CPZ: variants seen among roughly 807,000 people sequenced by gnomAD.
CPZ encodes the protein carboxypeptidase Z.
Under a neutral mutation model 61.8 loss-of-function variants are expected in CPZ, and 103 were observed. The ratio of observed to expected loss-of-function variants is 1.67; its 90% confidence interval spans 1.42 to 1.96. The LOEUF (loss-of-function observed/expected upper bound fraction) is 1.96. Ranked by LOEUF, CPZ falls within the 30% of genes most tolerant of loss-of-function variation. CPZ has a pLI of 0.00. For synonymous variants in CPZ, 551 were observed against 373.7 expected, an observed-to-expected ratio of 1.47 and a Z score of -5.47; for missense variants, 1,461 against 914.9, an observed-to-expected ratio of 1.60 and a Z score of -7.70.
Position 8,592,814 on chromosome 4 carries a change from C to G in CPZ, c.-20C>G. On this transcript the variant is annotated 5_prime_UTR_variant, in exon 1 of 11. Transcript: ENST00000360986. ...AGTGCCACATCACTGCGCTGGCCGT[C>G]CAAGGTCCGCCGCCCCACCATGCCG... 6.9e-7 allele frequency: 1 copy of G among 1,439,306 alleles called. No homozygotes were observed. Among genetic ancestry groups the G allele is most frequent in the Non-Finnish European group, 9.1e-7 (1 of 1,101,262 alleles). The allele number at this position is 1,439,306 out of a possible 1,614,324, so 89.2% of individuals were successfully genotyped here. A position where few individuals can be genotyped will look rare whatever the true frequency, so the allele number is the denominator to read the frequency against.
rs377140806 is a variant in CPZ, at chr4:8,601,241, C to T, written c.240C>T (p.Ile80=). The T allele has an allele frequency of 2.5e-5, 41 of 1,613,468 alleles. No homozygotes were observed. The highest frequency in any genetic ancestry group is 3.3e-5 in the Non-Finnish European group (39 of 1,179,952). ...WEVVEASSEY[I]LLSVLHQLLE... ...TGGTGGAGGCCAGCTCCGAGTACAT[C>T]CTGCTGAGCGTTCTACACCAGCTCC... Residue 80 remains isoleucine (I), a synonymous_variant, in exon 3 of 11, where the codon ATC becomes ATT. Transcript: ENST00000360986.
intron 1 of CPZ, among the ~76,000 whole-genome samples, chr4:8,596,993 G>A (rs1231611488): frequency 3.3e-5 from 5 of 152,218 alleles, no homozygotes; most frequent in South Asian, 2.1e-4. Context: ...GCCAGGCCAC[G>A]CTCAGTGCCA....
rs766395839 is a variant in CPZ, at chr4:8,601,276, A to G, written c.275A>G (p.Gln92Arg). ...GTTCTACACCAGCTCCTGGAAGGCC[A>G]GTGCAACCCGGACCTGCGGCTGCTG... ...LSVLHQLLEG[Q>R]CNPDLRLLGC... is the part of the protein sequence containing the mutation. The change falls in exon 3 of 11, where the codon CAG becomes CGG. Residue 92 changes from glutamine to arginine, a missense_variant. By Grantham distance (43) the Gln-to-Arg change is conservative (BLOSUM62 1). Transcript: ENST00000360986. 3 of 1,613,564 alleles carry G rather than the reference A, an allele frequency of 1.9e-6. No individual in the cohort carries two copies. Among genetic ancestry groups the G allele is most frequent in the East Asian group, 4.5e-5 (2 of 44,864 alleles).
In CPZ at chr4:8,614,511, G is replaced by A. The variant is rs199812768; in HGVS notation, c.1503+13G>A. On this transcript the variant is annotated intron_variant, in intron 9 of 10. Coordinates refer to ENST00000360986, the MANE Select transcript of CPZ (RefSeq NM_001014447.3). The stretch of plus-strand genomic sequence containing the variant: ...TTTCGTGGAGACGGTGAGTTCTGAC[G>A]GTCTCAGGGCTCTGGTCCAGCTGTG... The A allele has an allele frequency of 7.8e-5, 125 of 1,611,712 alleles. 1 individual carries two copies. In the African/African-American group the frequency reaches 1.4e-3, roughly 18 times the overall value.
At position 8,619,328 on chromosome 4, in the gene CPZ, G is replaced by A. The variant is rs148286815; in HGVS notation, c.1670G>A (p.Gly557Asp). Residue 557 changes from glycine to aspartate, a missense_variant, in exon 11 of 11, where the codon GGC becomes GAC. By Grantham distance (94) the Gly-to-Asp change is moderately conservative. Coordinates refer to ENST00000360986, the MANE Select transcript of CPZ (RefSeq NM_001014447.3). ...GIHIVIAQAP[G>D]YAKVIKKVII... The stretch of plus-strand genomic sequence containing the variant: ...CACATTGTCATTGCCCAAGCCCCTG[G>A]CTACGCCAAAGTCATCAAGAAAGTC... 8.2e-5 allele frequency: 133 copies of A among 1,614,106 alleles called. No homozygotes were observed. The African/African-American group carries it at 1.5e-3, about 18-fold the overall frequency.
At chr4:8,614,527 T>G (rs1008814816) in intron 9 of CPZ, 29 bp downstream of exon 9, 1 of 1,607,730 alleles carries the variant, frequency 6.2e-7, no homozygotes, top group Non-Finnish European at 8.5e-7. Flanking sequence ...AGGGCTCTGG[T>G]CCAGCTGTGG....
At chr4:8,614,277 T>C in intron 8 of CPZ, 82 bp from the exon 9 acceptor site, 1 of 1,479,760 alleles carries the variant, frequency 6.8e-7, no homozygotes, top group Non-Finnish European at 9.1e-7. Context: ...CCCGGCTGTC[T>C]CTGTGCGGCT....
rs747527488 is a variant in CPZ, at chr4:8,601,238, C to A, written c.237C>A (p.Tyr79Ter). ...SWEVVEASSE[Y>*]ILLSVLHQLL... The stretch of plus-strand genomic sequence containing the variant: ...AGGTGGTGGAGGCCAGCTCCGAGTA[C>A]ATCCTGCTGAGCGTTCTACACCAGC... Residue 79 changes from tyrosine to a stop codon, truncating the protein, a stop_gained, in exon 3 of 11, where the codon TAC becomes TAA. Coordinates refer to ENST00000360986, the MANE Select transcript of CPZ (RefSeq NM_001014447.3). LOFTEE classifies it high-confidence loss of function. 2.0e-5 allele frequency: 32 copies of A among 1,613,586 alleles called. No individual in the cohort carries two copies. Among genetic ancestry groups the A allele is most frequent in the South Asian group, 1.8e-4 (16 of 91,076 alleles).
At position 8,606,842 on chromosome 4, in the gene CPZ, A is replaced by T. The variant is rs1445263828; in HGVS notation, c.1012A>T (p.Thr338Ser). The T allele has an allele frequency of 1.9e-5, 31 of 1,613,376 alleles. No homozygotes were observed. Among genetic ancestry groups the T allele is most frequent in the Non-Finnish European group, 2.6e-5 (31 of 1,179,918 alleles). Residue 338 changes from threonine to serine, a missense_variant, in exon 6 of 11, where the codon ACC (threonine) becomes TCC (serine). Physicochemically the swap from Thr to Ser is moderately conservative, Grantham distance 58. Transcript: ENST00000360986. ...LTSEYYRLAE[T>S]RGARSDHIPI... is the part of the protein sequence containing the mutation. ...GTCCGAGTACTACCGGCTGGCGGAG[A>T]CCCGCGGCGCACGCAGCGACCACAT...
intron 8 of CPZ, among the ~76,000 whole-genome samples, chr4:8,613,262 G>A (rs941234299): frequency 3.3e-5 from 5 of 151,988 alleles, no homozygotes; most frequent in Non-Finnish European, 7.4e-5. Context: ...CTCCCGAGTA[G>A]CTGGGATTAC....
intron 8 of CPZ, among the ~76,000 whole-genome samples, chr4:8,612,583 T>G (rs892281819): frequency 6.6e-6 from 1 of 152,192 alleles, no homozygotes; most frequent in Non-Finnish European, 1.5e-5. Flanking sequence ...AGAACCCGCA[T>G]GGGGTGGACT....
intron 4 of CPZ, among the ~76,000 whole-genome samples, chr4:8,605,145 C>A (rs145240030): frequency 6.6e-6 from 1 of 152,222 alleles, no homozygotes; most frequent in African/African-American, 2.4e-5. Flanking sequence ...CTGAGGAACA[C>A]GGGTGTTTCC....
intron 2 of CPZ, chr4:8,599,695 C>T (rs1215392728): frequency 7.4e-7 from 1 of 1,352,354 alleles, no homozygotes; most frequent in Admixed American, 2.6e-5. Context: ...CACCAGCTTC[C>T]CACCGGGCTA....
At position 8,619,718 on chromosome 4, in the gene CPZ, C is replaced by G; in HGVS notation, c.*101C>G. 5 of 880,604 alleles carry G rather than the reference C, an allele frequency of 5.7e-6. No homozygotes were observed. Among genetic ancestry groups the G allele is most frequent in the Non-Finnish European group, 8.2e-6 (5 of 611,944 alleles). 54.5% of individuals were successfully genotyped at this position (880,604 alleles called of 1,614,324 possible). A position where few individuals can be genotyped will look rare whatever the true frequency, so the allele number is the denominator to read the frequency against. ...GTCTGCCACAGACATCCCACAAAGC[C>G]GCTGCCATTTTATTAAAGTGTTTTG... On this transcript the variant is annotated 3_prime_UTR_variant, in exon 11 of 11. Coordinates refer to ENST00000360986, the MANE Select transcript of CPZ (RefSeq NM_001014447.3).
chr4:8,612,221 G>GGGGGGGGGGGGGGGGGGGGGGGGGC, intron 8 of CPZ, 59 bp downstream of exon 8: 1 of 206,196 alleles, frequency 4.8e-6, no homozygotes, highest in Non-Finnish European at 9.7e-6. Flanking sequence ...GCTGGGTGGG[G>GGGGGGGGGGGGGGGGGGGGGGGGGC]CAGGGGCAAG....
At position 8,619,646 on chromosome 4, in the gene CPZ, G is replaced by A. The variant is rs1716520641; in HGVS notation, c.*29G>A. 2 of 1,463,938 alleles carry A rather than the reference G, an allele frequency of 1.4e-6. No homozygotes were observed. The highest frequency in any genetic ancestry group is 3.0e-5 in the South Asian group (2 of 66,944). 90.7% of individuals were successfully genotyped at this position (1,463,938 alleles called of 1,614,324 possible). ...CGGCCCCAGCACCCGCCAGGATGTG[G>A]AGACCGAGGCCCATCTCCGCATCCC... is the stretch of plus-strand genomic sequence containing the variant. On this transcript the variant is annotated 3_prime_UTR_variant, in exon 11 of 11. Transcript: ENST00000360986.
At chr4:8,600,832 G>T (rs2109316369) in intron 2 of CPZ, 2 of 840,936 alleles carry the variant, frequency 2.4e-6, no homozygotes, top group East Asian at 8.0e-5. Flanking sequence ...GCCTTCACGG[G>T]CCCTTGTGTG....
chr4:8,601,336 G>T lies in CPZ; in HGVS notation c.335G>T (p.Gly112Val), dbSNP rs752913998. ...CAVLAPRCEG[G>V]WVRRPCRHIC... ...GTGCTGGCCCCCCGGTGTGAGGGCG[G>T]CTGGGTGCGCAGACCCTGCCGGCAC... Residue 112 changes from glycine to valine, a missense_variant, in exon 3 of 11, where the codon GGC becomes GTC. Coordinates refer to ENST00000360986, the MANE Select transcript of CPZ (RefSeq NM_001014447.3). 1.9e-6 allele frequency: 3 copies of T among 1,606,870 alleles called. No individual in the cohort carries two copies. The highest frequency in any genetic ancestry group is 2.6e-6 in the Non-Finnish European group (3 of 1,175,340).
intron 9 of CPZ, among the ~76,000 whole-genome samples, chr4:8,617,339 T>C (rs1218072951): frequency 6.6e-6 from 1 of 152,194 alleles, no homozygotes; most frequent in African/African-American, 2.4e-5. Context: ...GAGCTGATTT[T>C]CTGGCCCAGA....
Sources: gnomAD v4.1 joint callset for allele counts (sites outside exome capture counted in the v4.1 genomes callset) on GRCh38, gnomAD v4.1.1 for gene constraint, MANE v1.5 for transcripts, NCBI Gene and HGNC (gene_info 2026-07-23, HGNC 2026-07-21) for gene names.